FAM193A: variants seen among roughly 807,000 people sequenced by gnomAD.
FAM193A encodes the protein protein FAM193A.
FAM193A carries 22 observed loss-of-function variants against 126.5 expected under a neutral mutation model. That is an observed-to-expected ratio of 0.17 (90% CI 0.12 to 0.25). FAM193A has a LOEUF of 0.25. FAM193A is among the 10% of genes least tolerant of loss of function. The pLI, the probability that FAM193A is intolerant of heterozygous loss-of-function variation, is 1.00. For missense variants in FAM193A, 1,675 were observed against 1,672.8 expected, an observed-to-expected ratio of 1.00 and a Z score of -0.02; for synonymous variants, 761 against 646.8, an observed-to-expected ratio of 1.18 and a Z score of -2.68.
chr4:2,677,217 T>C (rs1039557770), intron 13 of FAM193A, among the ~76,000 whole-genome samples: 6 of 152,202 alleles, frequency 3.9e-5, no homozygotes, highest in Non-Finnish European at 8.8e-5. Flanking sequence ...CCTTTTCCTG[T>C]TGAAGGATCT....
chr4:2,599,902 AT>A (rs759734987), intron 2 of FAM193A, among the ~76,000 whole-genome samples: 683 of 142,486 alleles, frequency 4.8e-3, no homozygotes, highest in Non-Finnish European at 4.5e-3. Flanking sequence ...CACCTGGCTA[AT>A]TTTTTTTTTT....
In FAM193A at chr4:2,660,084, G is replaced by A. The variant is rs201879000; in HGVS notation, c.1745+30G>A. ...GTTGTGACTTTGTAATAAAGTTTCC[G>A]AAATTTAAGTCGCCCCAGTAATGAG... On this transcript the variant is annotated intron_variant, in intron 10 of 20. Coordinates refer to ENST00000637812, the MANE Select transcript of FAM193A (RefSeq NM_001366318.2). 1,344 of 1,607,684 alleles carry A rather than the reference G, an allele frequency of 8.4e-4. 4 individuals carry two copies. The highest frequency in any genetic ancestry group is 9.5e-4 in the Non-Finnish European group (1,116 of 1,175,414).
At chr4:2,690,563 C>T (rs1419045791) in intron 14 of FAM193A, 135 bp from the exon 15 acceptor site, 1 of 758,396 alleles carries the variant, frequency 1.3e-6, no homozygotes, top group East Asian at 2.7e-5. Context: ...AGCTAGTTGA[C>T]TTAGTGTCAT....
intron 19 of FAM193A, among the ~76,000 whole-genome samples, chr4:2,701,079 T>C (rs1050359351): frequency 6.6e-6 from 1 of 152,110 alleles, no homozygotes; most frequent in Non-Finnish European, 1.5e-5. Context: ...CTCTCTCTCT[T>C]ATTTTTCTGG....
intron 1 of FAM193A, among the ~76,000 whole-genome samples, chr4:2,559,651 TCTC>T (rs1468167366): frequency 2.6e-5 from 4 of 152,174 alleles, no homozygotes; most frequent in African/African-American, 9.7e-5. Context: ...CATTTTCTCT[TCTC>T]TGTGAACACA....
In FAM193A at chr4:2,659,848, C is replaced by T; in HGVS notation, c.1539C>T (p.Leu513=). The stretch of plus-strand genomic sequence containing the variant: ...ATGACTGCAGTCTCTCACACATCCT[C>T]ACGTGTGGTATCATGGACCCCCCCG... ...ACDDCSLSHI[L]TCGIMDPPVT... Residue 513 remains leucine (L), a synonymous_variant, in exon 10 of 21, where the codon CTC becomes CTT. Transcript: ENST00000637812. The T allele has an allele frequency of 6.2e-7, 1 of 1,614,058 alleles. No homozygotes were observed. The highest frequency in any genetic ancestry group is 1.6e-4 in the Middle Eastern group (1 of 6,062).
At chr4:2,670,745 C>T (rs1478363439) in intron 12 of FAM193A, among the ~76,000 whole-genome samples, 1 of 152,176 alleles carries the variant, frequency 6.6e-6, no homozygotes, top group Non-Finnish European at 1.5e-5. Context: ...CAGGTGTGAG[C>T]CACTGCGCCC....
chr4:2,608,267 C>T (rs909799663), intron 2 of FAM193A: 1 of 699,156 alleles, frequency 1.4e-6, no homozygotes, highest in Non-Finnish European at 2.3e-6. Flanking sequence ...CAGCCTTCAC[C>T]TCCTGTGTTC....
chr4:2,571,786 G>T (rs909783632), intron 1 of FAM193A, among the ~76,000 whole-genome samples: 5 of 150,944 alleles, frequency 3.3e-5, no homozygotes, highest in African/African-American at 1.2e-4. Flanking sequence ...GTGATCCACC[G>T]GCCTCAGCCT....
chr4:2,716,182 C>T, intron 20 of FAM193A, 78 bp downstream of exon 20: 1 of 958,660 alleles, frequency 1.0e-6, no homozygotes, highest in East Asian at 2.4e-5. Context: ...CTTTCCATGG[C>T]ACTTCTAGTT....
intron 2 of FAM193A, among the ~76,000 whole-genome samples, chr4:2,602,724 G>A (rs1032598854): frequency 7.5e-4 from 109 of 145,848 alleles, no homozygotes; most frequent in African/African-American, 2.6e-3. Flanking sequence ...GCAGTGGCGC[G>A]ATCTCAGCTC....
intron 12 of FAM193A, among the ~76,000 whole-genome samples, chr4:2,665,049 G>A (rs1712949757): frequency 6.6e-6 from 1 of 152,118 alleles, no homozygotes; most frequent in South Asian, 2.1e-4. Context: ...TTATTTGTGG[G>A]ATGATATAGA....
chr4:2,603,751 A>G (rs890874096), intron 2 of FAM193A, among the ~76,000 whole-genome samples: 1 of 151,684 alleles, frequency 6.6e-6, no homozygotes, highest in Non-Finnish European at 1.5e-5. Flanking sequence ...CACCCGGCCA[A>G]TTTTCATTAT....
chr4:2,650,714 G>C (rs1745575510), intron 7 of FAM193A, among the ~76,000 whole-genome samples: 1 of 152,192 alleles, frequency 6.6e-6, no homozygotes. Flanking sequence ...ATGAGCTGCA[G>C]TCAAGTTGTA....
At chr4:2,617,866 C>G (rs775553029) in intron 2 of FAM193A, among the ~76,000 whole-genome samples, 1 of 152,124 alleles carries the variant, frequency 6.6e-6, no homozygotes, top group African/African-American at 2.4e-5. Context: ...TAAATAAGTT[C>G]TTGACCCACA....
rs527951483 is a variant in FAM193A, at chr4:2,598,528, G to A, written c.501+2199G>A. On this transcript the variant is annotated intron_variant, in intron 2 of 20. Coordinates refer to ENST00000637812, the MANE Select transcript of FAM193A (RefSeq NM_001366318.2). ...CATGAAGGCTGTCTGTAGGCCTCTT[G>A]TCTTACAGTGGCCTTCGGGGTCTCA... Among the ~76,000 whole-genome samples, 8 of 152,334 alleles carry A rather than the reference G, an allele frequency of 5.3e-5. No homozygotes were observed. The South Asian group carries it at 1.0e-3, about 20-fold the overall frequency.
chr4:2,719,939 T>C, intron 20 of FAM193A: 1 of 305,514 alleles, frequency 3.3e-6, no homozygotes. Flanking sequence ...TACAGGCACA[T>C]GCACCATGCC....
chr4:2,680,131 G>C (rs2109208384), intron 13 of FAM193A, among the ~76,000 whole-genome samples: 1 of 152,336 alleles, frequency 6.6e-6, no homozygotes, highest in South Asian at 2.1e-4. Context: ...AGAGTGCTGG[G>C]ATTACAGGCG....
chr4:2,539,954 CT>C (rs1365921591), intron 1 of FAM193A, among the ~76,000 whole-genome samples: 1 of 151,724 alleles, frequency 6.6e-6, no homozygotes, highest in Non-Finnish European at 1.5e-5. Flanking sequence ...CCCGTCTCTA[CT>C]AAAAATACAA....
Sources: allele counts gnomAD v4.1 joint callset (sites outside exome capture counted in the v4.1 genomes callset), GRCh38; gene constraint gnomAD v4.1.1; transcripts MANE v1.5; gene names NCBI Gene and HGNC (gene_info 2026-07-23, HGNC 2026-07-21).